Variants in GNAZ observed in about 807,000 individuals in gnomAD.
GNAZ encodes guanine nucleotide-binding protein G(z) subunit alpha.
Under a neutral mutation model 25.4 loss-of-function variants are expected in GNAZ, and 3 were observed. The ratio of observed to expected loss-of-function variants is 0.12; its 90% CI spans 0.05 to 0.30. The LOEUF (loss-of-function observed/expected upper bound fraction) is 0.30. Ranked by LOEUF, GNAZ falls within the 10% of genes least tolerant of loss-of-function variation. The pLI is 1.00. For missense variants in GNAZ, 241 were observed against 501.8 expected, an observed-to-expected ratio of 0.48 and a Z score of 4.97; for synonymous variants, 211 against 205.7, an observed-to-expected ratio of 1.03 and a Z score of -0.22.
rs371634647 is a variant in GNAZ, at chr22:23,096,307, G to A, written c.612G>A (p.Gly204=). Residue 204 remains glycine (G), a synonymous_variant, in exon 2 of 3, where the codon GGG becomes GGA. Coordinates refer to ENST00000615612, the MANE Select transcript of GNAZ (RefSeq NM_002073.4). The part of the protein sequence containing the change: ...ELTFKMVDVG[G]QRSERKKWIH... Reference sequence around the variant, plus strand: ...CCTTCAAGATGGTGGACGTGGGGGGGCAGAGGTCAGAGCGCAAAAAGTGGA... The same window carrying A: ...CCTTCAAGATGGTGGACGTGGGGGGACAGAGGTCAGAGCGCAAAAAGTGGA... 3.1e-6 allele frequency: 5 copies of A among 1,613,878 alleles called. No homozygotes were observed. The highest frequency in any genetic ancestry group is 1.6e-4 in the Middle Eastern group (1 of 6,084).
intron 1 of GNAZ, among the ~76,000 whole-genome samples, chr22:23,078,155 C>G (rs187877788): frequency 3.3e-5 from 5 of 152,218 alleles, no homozygotes; most frequent in Admixed American, 3.3e-4. Flanking sequence ...AGCATGGTCA[C>G]CCCCTCACCC....
rs769797797 is a variant in GNAZ at position 23,123,602 on chromosome 22, C to T, written c.*171C>T. On this transcript the variant is annotated 3_prime_UTR_variant, in exon 3 of 3. Coordinates refer to ENST00000615612, the MANE Select transcript of GNAZ (RefSeq NM_002073.4). ...ACATTTCTGCAAACATAAATATTTA[C>T]GGATAGATTGCTAGGTAGATAGACA... is the stretch of plus-strand genomic sequence containing the variant. 16 of 600,276 alleles carry T rather than the reference C, an allele frequency of 2.7e-5. No individual in the cohort carries two copies. Among genetic ancestry groups the T allele is most frequent in the Non-Finnish European group, 3.3e-5 (11 of 337,176 alleles). 37.2% of individuals were successfully genotyped at this position (600,276 alleles called of 1,614,324 possible). A position where few individuals can be genotyped will look rare whatever the true frequency, so the allele number is the denominator to read the frequency against.
At chr22:23,109,890 T>C (rs1033437826) in intron 2 of GNAZ, among the ~76,000 whole-genome samples, 1 of 152,200 alleles carries the variant, frequency 6.6e-6, no homozygotes, top group Non-Finnish European at 1.5e-5. Flanking sequence ...TCTCAGTTCC[T>C]GAGGCTGGCC....
chr22:23,072,708 G>C (rs908953499), intron 1 of GNAZ, among the ~76,000 whole-genome samples: 2 of 152,224 alleles, frequency 1.3e-5, no homozygotes, highest in Non-Finnish European at 1.5e-5. Flanking sequence ...TGTGCCTGTC[G>C]CCTGGACTGT....
At chr22:23,109,048 C>T (rs556234013) in intron 2 of GNAZ, among the ~76,000 whole-genome samples, 1 of 152,294 alleles carries the variant, frequency 6.6e-6, no homozygotes, top group South Asian at 2.1e-4. Context: ...GATGTGTCAT[C>T]GTGGGAAGAG....
At chr22:23,093,426 C>T (rs7291174) in intron 1 of GNAZ, among the ~76,000 whole-genome samples, 6,564 of 152,246 alleles carry the variant, frequency 0.043, 506 homozygotes, top group African/African-American at 0.15. Context: ...CAGTGGGGAA[C>T]GAGGCCAGGA....
At position 23,096,122 on chromosome 22, in the gene GNAZ, C is replaced by T; in HGVS notation, c.427C>T (p.Arg143Cys). 3.1e-6 allele frequency: 5 copies of T among 1,611,906 alleles called. No homozygotes were observed. The highest frequency in any genetic ancestry group is 1.7e-5 in the Admixed American group (1 of 60,036). Residue 143 changes from arginine to cysteine, a missense_variant, in exon 2 of 3, where the codon CGC becomes TGC. Coordinates refer to ENST00000615612, the MANE Select transcript of GNAZ (RefSeq NM_002073.4). Reference protein sequence around the residue: ...ADPGAQACFSRSSEYHLEDNA... With the variant: ...ADPGAQACFSCSSEYHLEDNA... The stretch of plus-strand genomic sequence containing the variant: ...CCCAGGGGCACAGGCCTGCTTCAGC[C>T]GCTCCAGCGAGTACCACCTGGAGGA...
intron 1 of GNAZ, among the ~76,000 whole-genome samples, chr22:23,093,980 C>T (rs781710355): frequency 3.9e-5 from 6 of 152,144 alleles, no homozygotes; most frequent in Non-Finnish European, 7.4e-5. Flanking sequence ...GTGAGGGGCA[C>T]GGATGGCTGC....
chr22:23,103,317 C>T (rs1172646760), intron 2 of GNAZ, among the ~76,000 whole-genome samples: 1 of 152,216 alleles, frequency 6.6e-6, no homozygotes, highest in Non-Finnish European at 1.5e-5. Context: ...AGTTGTTAGA[C>T]CTTTACCAGT....
intron 1 of GNAZ, among the ~76,000 whole-genome samples, chr22:23,083,675 A>G (rs1162055989): frequency 6.6e-6 from 1 of 152,164 alleles, no homozygotes; most frequent in East Asian, 1.9e-4. Flanking sequence ...GATATGGGCC[A>G]GATGTGGTCA....
Position 23,110,018 on chromosome 22 carries a change from G to A in GNAZ, c.724-13069G>A, listed in dbSNP as rs2069601319. Among the ~76,000 whole-genome samples the A allele has an allele frequency of 2.0e-5, 3 of 152,208 alleles. No individual in the cohort carries two copies. In the South Asian group the frequency reaches 6.2e-4, roughly 31 times the overall value. ...ATCTGTCAAGGTAGCATTGAGGTTTGCGGGAGGAAGAGGGAAGCACTAACC... is the reference window on the plus strand; with the variant it reads ...ATCTGTCAAGGTAGCATTGAGGTTTACGGGAGGAAGAGGGAAGCACTAACC... On this transcript the variant is annotated intron_variant, in intron 2 of 2. Coordinates refer to ENST00000615612, the MANE Select transcript of GNAZ (RefSeq NM_002073.4).
In GNAZ at chr22:23,095,508, A is replaced by C. The variant is rs2069098965; in HGVS notation, c.-188A>C. The C allele has an allele frequency of 1.6e-6, 1 of 637,958 alleles. No individual in the cohort carries two copies. Among genetic ancestry groups the C allele is most frequent in the Admixed American group, 3.0e-5 (1 of 33,594 alleles). The allele number at this position is 637,958 out of a possible 1,614,324, so 39.5% of individuals were successfully genotyped here. ...GGGGCGGCCACCGCCCGCTGCACAG[A>C]GCGCCATGCCGGCTGGAGAAGAGGC... On this transcript the variant is annotated 5_prime_UTR_variant, in exon 2 of 3. Transcript: ENST00000615612.
chr22:23,120,758 C>T (rs2069997995), intron 2 of GNAZ, among the ~76,000 whole-genome samples: 2 of 152,172 alleles, frequency 1.3e-5, no homozygotes, highest in Admixed American at 6.5e-5. Flanking sequence ...AGGACCCTGC[C>T]ATCCCTGCCT....
intron 1 of GNAZ, among the ~76,000 whole-genome samples, chr22:23,084,157 C>T (rs190016714): frequency 3.9e-5 from 6 of 152,242 alleles, no homozygotes; most frequent in African/African-American, 7.2e-5. Context: ...TTATCTTCCC[C>T]GGAAGATGTG....
chr22:23,087,363 C>T (rs1402621670), intron 1 of GNAZ, among the ~76,000 whole-genome samples: 1 of 152,128 alleles, frequency 6.6e-6, no homozygotes. Context: ...CTACTCGAGG[C>T]TCAGGTGGGA....
intron 2 of GNAZ, among the ~76,000 whole-genome samples, chr22:23,102,787 G>A (rs145578350): frequency 6.6e-6 from 1 of 152,354 alleles, no homozygotes; most frequent in African/African-American, 2.4e-5. Context: ...CAGCAGCCAG[G>A]AGGCCAACCC....
At chr22:23,070,592 C>G (rs1458654357) in intron 1 of GNAZ, 22 bp downstream of exon 1, 6 of 150,034 alleles carry the variant, frequency 4.0e-5, no homozygotes, top group South Asian at 4.3e-4. Flanking sequence ...GACCCGCGGC[C>G]GGCCGCGCGC....
At position 23,124,089 on chromosome 22, in the gene GNAZ, C is replaced by G. The variant is rs189192887; in HGVS notation, c.*658C>G. 4.6e-6 allele frequency: 1 copy of G among 217,706 alleles called. No individual in the cohort carries two copies. The highest frequency in any genetic ancestry group is 1.5e-4 in the East Asian group (1 of 6,872). 13.5% of individuals were successfully genotyped at this position (217,706 alleles called of 1,614,324 possible). A position where few individuals can be genotyped will look rare whatever the true frequency, so the allele number is the denominator to read the frequency against. On this transcript the variant is annotated 3_prime_UTR_variant, in exon 3 of 3. Transcript: ENST00000615612. ...TGCAGCAAAAACCAATACAACAAAA[C>G]GAGTGGCACGATTTATTTCAAACTA... is the stretch of plus-strand genomic sequence containing the variant.
In GNAZ at chr22:23,095,662, C is replaced by T. The variant is rs199964048; in HGVS notation, c.-34C>T. The T allele has an allele frequency of 1.3e-5, 20 of 1,570,816 alleles. No homozygotes were observed. The highest frequency in any genetic ancestry group is 7.2e-5 in the Admixed American group (4 of 55,518). ...GGCAAGAGGGAGAGGTGCCCCATCC[C>T]GTGCTCCTTGTCTGGGCCCGCTGCT... is the stretch of plus-strand genomic sequence containing the variant. On this transcript the variant is annotated 5_prime_UTR_variant, in exon 2 of 3. Transcript: ENST00000615612.
Sources: allele counts gnomAD v4.1 joint callset (sites outside exome capture counted in the v4.1 genomes callset), GRCh38; gene constraint gnomAD v4.1.1; transcripts MANE v1.5; gene names NCBI Gene and HGNC (gene_info 2026-07-23, HGNC 2026-07-21).